ARPP21: variants seen among roughly 807,000 people sequenced by gnomAD.
ARPP21 encodes cAMP-regulated phosphoprotein 21.
In ARPP21, 69 loss-of-function variants were observed where a neutral mutation model predicts 113.2. That is an observed-to-expected ratio of 0.61 (90% CI 0.50 to 0.74). The LOEUF is 0.74. Among genes scored for constraint, ARPP21 ranks in the 30% least tolerant of loss-of-function variants. The pLI is 0.00. For synonymous variants in ARPP21, 368 were observed against 375.5 expected, an observed-to-expected ratio of 0.98 and a Z score of 0.23; for missense variants, 1,070 against 1,037.4, an observed-to-expected ratio of 1.03 and a Z score of -0.43.
chr3:35,747,888 G>C (rs1006405506), intron 19 of ARPP21, among the ~76,000 whole-genome samples: 1 of 150,406 alleles, frequency 6.6e-6, no homozygotes, highest in Non-Finnish European at 1.5e-5. Context: ...CTCCAGCCTA[G>C]GTGACAGAGC....
chr3:35,721,565 A>G (rs2093076227), intron 13 of ARPP21, 40 bp from the exon 14 acceptor site: 11 of 1,172,438 alleles, frequency 9.4e-6, no homozygotes, highest in Non-Finnish European at 1.3e-5. Context: ...CATGTAAGGT[A>G]ATCCTGTCCC....
Position 35,772,095 on chromosome 3 carries a change from A to T in ARPP21, c.2138-20287A>T, listed in dbSNP as rs1044833180. Among the ~76,000 whole-genome samples, 8 of 152,298 alleles carry T rather than the reference A, an allele frequency of 5.3e-5. No individual in the cohort carries two copies. In the South Asian group the frequency reaches 1.7e-3, roughly 32 times the overall value. On this transcript the variant is annotated intron_variant, in intron 19 of 20. Transcript: ENST00000684406. ...TGTTATTTGAAGCCATTAAAATACT[A>T]AATTTGGCTGCAGCTGGTTATTGCA...
chr3:35,672,378 C>T (rs1198510843), intron 1 of ARPP21, among the ~76,000 whole-genome samples: 1 of 152,074 alleles, frequency 6.6e-6, no homozygotes, highest in African/African-American at 2.4e-5. Context: ...AGAAACATGT[C>T]CTGGTTTTAC....
chr3:35,767,032 T>A (rs1459797728), intron 19 of ARPP21, among the ~76,000 whole-genome samples: 1 of 152,156 alleles, frequency 6.6e-6, no homozygotes. Context: ...ACTGCTCCAG[T>A]GTCTCAGTGA....
At chr3:35,648,629 A>C (rs1330295981) in intron 1 of ARPP21, among the ~76,000 whole-genome samples, 1 of 152,202 alleles carries the variant, frequency 6.6e-6, no homozygotes, top group Non-Finnish European at 1.5e-5. Context: ...ATGAGTCAGC[A>C]CTGTGCCTCT....
At chr3:35,750,326 G>GT (rs1187036804) in intron 19 of ARPP21, among the ~76,000 whole-genome samples, 2 of 151,812 alleles carry the variant, frequency 1.3e-5, no homozygotes, top group Non-Finnish European at 2.9e-5. Context: ...TCTTTGGCCC[G>GT]TGGATTATTT....
intron 4 of ARPP21, among the ~76,000 whole-genome samples, chr3:35,683,291 T>G (rs866950696): frequency 6.6e-6 from 1 of 151,876 alleles, no homozygotes; most frequent in Middle Eastern, 3.4e-3. Flanking sequence ...TTATTCTCAC[T>G]ACTTGATTTC....
At chr3:35,665,035 C>T (rs1261895757) in intron 1 of ARPP21, among the ~76,000 whole-genome samples, 1 of 152,170 alleles carries the variant, frequency 6.6e-6, no homozygotes, top group Non-Finnish European at 1.5e-5. Flanking sequence ...ACAAACTTTT[C>T]GCTCCTTTGG....
intron 18 of ARPP21, 50 bp from the exon 19 acceptor site, chr3:35,743,789 T>C (rs747918427): frequency 1.3e-6 from 2 of 1,588,960 alleles, no homozygotes; most frequent in South Asian, 2.2e-5. Context: ...TTTAAAAATT[T>C]ACATTATCTA....
At chr3:35,735,862 C>T (rs1030627139) in intron 15 of ARPP21, among the ~76,000 whole-genome samples, 14 of 152,246 alleles carry the variant, frequency 9.2e-5, no homozygotes, top group Non-Finnish European at 1.8e-4. Flanking sequence ...TCCATTCCCT[C>T]ATGTTCTGAT....
intron 5 of ARPP21, 81 bp downstream of exon 5, chr3:35,683,896 G>C: frequency 1.0e-6 from 1 of 972,278 alleles, no homozygotes. Context: ...GTGTTAAACA[G>C]TGTTTTGGGG....
At chr3:35,775,414 G>T (rs2096331148) in intron 19 of ARPP21, among the ~76,000 whole-genome samples, 1 of 152,104 alleles carries the variant, frequency 6.6e-6, no homozygotes, top group African/African-American at 2.4e-5. Flanking sequence ...AAAACACAGT[G>T]TATGTGCATA....
chr3:35,731,997 T>G (rs2150539523), intron 15 of ARPP21, among the ~76,000 whole-genome samples: 1 of 152,318 alleles, frequency 6.6e-6, no homozygotes, highest in South Asian at 2.1e-4. Context: ...TAAAAAAGTC[T>G]TAGGCACTGT....
intron 14 of ARPP21, 130 bp downstream of exon 14, chr3:35,721,964 C>A: frequency 1.6e-6 from 1 of 637,154 alleles, no homozygotes; most frequent in Non-Finnish European, 2.7e-6. Context: ...AGCTGGAAAT[C>A]AGAAGGTACA....
chr3:35,690,212 C>T lies in ARPP21; in HGVS notation c.545+72C>T, dbSNP rs1030812637. The T allele has an allele frequency of 5.1e-6, 4 of 786,866 alleles. No homozygotes were observed. The African/African-American group carries it at 5.1e-5, about 10-fold the overall frequency. 48.7% of individuals were successfully genotyped at this position (786,866 alleles called of 1,614,324 possible). ...TGGTATTGGAGTTAAATTGTCCATTCTGGAAAGACTTAGGGATAGACAAAA... is the reference window on the plus strand; with the variant it reads ...TGGTATTGGAGTTAAATTGTCCATTTTGGAAAGACTTAGGGATAGACAAAA... On this transcript the variant is annotated intron_variant, in intron 8 of 20. Transcript: ENST00000684406.
At chr3:35,663,522 G>A (rs1435998727) in intron 1 of ARPP21, among the ~76,000 whole-genome samples, 3 of 152,176 alleles carry the variant, frequency 2.0e-5, no homozygotes, top group African/African-American at 7.2e-5. Context: ...GCATCATGAA[G>A]CATCAGCATT....
chr3:35,762,096 C>CCTCTCTCTCTCTCTCTCTCTCT (rs373149403), intron 19 of ARPP21, among the ~76,000 whole-genome samples: 2 of 136,076 alleles, frequency 1.5e-5, no homozygotes, highest in African/African-American at 6.0e-5. Flanking sequence ...CTCTCTCTCT[C>CCTCTCTCTCTCTCTCTCTCTCT]CTCTCTCTCT....
chr3:35,691,023 A>G lies in ARPP21; in HGVS notation c.686+18A>G. 1 of 1,594,186 alleles carries G rather than the reference A, an allele frequency of 6.3e-7. No individual in the cohort carries two copies. Among genetic ancestry groups the G allele is most frequent in the Non-Finnish European group, 8.5e-7 (1 of 1,171,472 alleles). On this transcript the variant is annotated intron_variant, in intron 9 of 20. Transcript: ENST00000684406. ...ACCAGAATGTAAGCCCCATCACTGT[A>G]CTTATTTAGCATTTTCTTTTTCTCC... is the stretch of plus-strand genomic sequence containing the variant.
intron 19 of ARPP21, among the ~76,000 whole-genome samples, chr3:35,790,748 G>C (rs2096731573): frequency 6.6e-6 from 1 of 152,210 alleles, no homozygotes; most frequent in Non-Finnish European, 1.5e-5. Context: ...GCTGTGGACA[G>C]AATGTAGCTC....
Sources: gnomAD v4.1 joint callset for allele counts (sites outside exome capture counted in the v4.1 genomes callset) on GRCh38, gnomAD v4.1.1 for gene constraint, MANE v1.5 for transcripts, NCBI Gene and HGNC (gene_info 2026-07-23, HGNC 2026-07-21) for gene names.